Variants in RANBP2 observed in about 807,000 individuals in gnomAD.
The protein encoded by RANBP2 is E3 SUMO-protein ligase RanBP2.
A neutral mutation model predicts 303.6 loss-of-function variants in RANBP2; 57 were observed. The ratio of observed to expected loss-of-function variants is 0.19; its 90% confidence interval spans 0.15 to 0.23. RANBP2 has a LOEUF of 0.23. RANBP2 is among the 10% of genes least tolerant of loss of function. The pLI is 1.00. For synonymous variants in RANBP2, 1,167 were observed against 1,301.5 expected, an observed-to-expected ratio of 0.90 and a Z score of 2.23; for missense variants, 3,138 against 3,780.8, an observed-to-expected ratio of 0.83 and a Z score of 4.46.
the RANBP2 span, among the ~76,000 whole-genome samples, chr2:108,913,349 A>G: frequency 7.6e-4 from 115 of 152,288 alleles, 8 homozygotes; most frequent in Non-Finnish European, 3.5e-4. Flanking sequence ...CAATTTTCCT[A>G]TGCGTGGAGA....
the RANBP2 span, among the ~76,000 whole-genome samples, chr2:108,959,293 C>T: frequency 6.6e-6 from 1 of 152,318 alleles, no homozygotes; most frequent in South Asian, 2.1e-4. Context: ...TCTGGGAACT[C>T]TTACAGCCTG....
chr2:109,716,529 C>T, the RANBP2 span, among the ~76,000 whole-genome samples: 12,373 of 151,844 alleles, frequency 0.081, 1,018 homozygotes, highest in African/African-American at 0.21. Flanking sequence ...GGATTACAGG[C>T]GTGAGCCACC....
chr2:109,686,110 C>T, the RANBP2 span, among the ~76,000 whole-genome samples: 7 of 151,906 alleles, frequency 4.6e-5, no homozygotes, highest in African/African-American at 9.7e-5. Flanking sequence ...TAGGTGGTTT[C>T]GCCATTTTGC....
chr2:109,040,782 G>A, the RANBP2 span, among the ~76,000 whole-genome samples: 3 of 152,152 alleles, frequency 2.0e-5, no homozygotes, highest in South Asian at 4.1e-4. Flanking sequence ...TAGGCCAGGC[G>A]CGGTGGCCCA....
At chr2:109,388,057 T>C in the RANBP2 span, among the ~76,000 whole-genome samples, 79,208 of 151,990 alleles carry the variant, frequency 0.52, 21,099 homozygotes, top group South Asian at 0.61. Context: ...CAGCCTGAAC[T>C]CCTTTAGACA....
At chr2:109,199,623 G>GC in the RANBP2 span, among the ~76,000 whole-genome samples, 1 of 94 alleles carries the variant, frequency 0.011, no homozygotes, top group Non-Finnish European at 0.022. Context: ...GGAATGGAAT[G>GC]GAATGGAATG....
At chr2:108,860,206 C>T in the RANBP2 span, among the ~76,000 whole-genome samples, 1 of 152,024 alleles carries the variant, frequency 6.6e-6, no homozygotes, top group African/African-American at 2.4e-5. Flanking sequence ...TATCTTCAGA[C>T]TTCACTGAAG....
the RANBP2 span, among the ~76,000 whole-genome samples, chr2:109,708,277 T>G: frequency 6.6e-6 from 1 of 152,102 alleles, no homozygotes; most frequent in African/African-American, 2.4e-5. Flanking sequence ...TCCCAGCTAC[T>G]TGAGCCTGGG....
chr2:109,589,099 G>A, the RANBP2 span, among the ~76,000 whole-genome samples: 4 of 151,978 alleles, frequency 2.6e-5, no homozygotes, highest in Non-Finnish European at 5.9e-5. Context: ...GGTAATTTTT[G>A]TGGTTTTTTT....
At chr2:109,648,259 G>A in the RANBP2 span, among the ~76,000 whole-genome samples, 1 of 152,214 alleles carries the variant, frequency 6.6e-6, no homozygotes, top group African/African-American at 2.4e-5. Context: ...CAGGAAGGAG[G>A]CTTGGCTGGC....
At chr2:109,437,241 G>T in the RANBP2 span, 1 of 1,455,866 alleles carries the variant, frequency 6.9e-7, no homozygotes, top group Non-Finnish European at 9.1e-7. Flanking sequence ...CTCCAGCAGT[G>T]CATGTGTGGC....
intron 19 of RANBP2, 133 bp from the exon 20 acceptor site, chr2:108,763,104 A>T: frequency 1.9e-6 from 2 of 1,066,154 alleles, no homozygotes; most frequent in Non-Finnish European, 2.8e-6. Context: ...CGGGTTAATG[A>T]TGTGTACTAC....
the RANBP2 span, among the ~76,000 whole-genome samples, chr2:109,312,610 T>C: frequency 1.3e-5 from 2 of 152,150 alleles, no homozygotes; most frequent in African/African-American, 2.4e-5. Context: ...AGATTTGATA[T>C]AAGTGGAATC....
At chr2:108,730,719 A>G in intron 2 of RANBP2, 55 bp from the exon 3 acceptor site, 1 of 1,586,366 alleles carries the variant, frequency 6.3e-7, no homozygotes, top group Non-Finnish European at 8.6e-7. Flanking sequence ...TTCGGTTAGC[A>G]TTTAAAAGTA....
the RANBP2 span, chr2:109,760,368 CCGGG>C: frequency 1.2e-5 from 2 of 172,472 alleles, no homozygotes; most frequent in Non-Finnish European, 1.8e-5. Context: ...CGGCGCAGGG[CCGGG>C]GGCGGGGCCG....
At chr2:109,395,689 G>A in the RANBP2 span, among the ~76,000 whole-genome samples, 2 of 152,194 alleles carry the variant, frequency 1.3e-5, no homozygotes, top group Non-Finnish European at 2.9e-5. Flanking sequence ...GCAGCCTCTC[G>A]GGGACACGTG....
the RANBP2 span, among the ~76,000 whole-genome samples, chr2:109,202,466 T>G: frequency 6.6e-6 from 1 of 152,246 alleles, no homozygotes; most frequent in Non-Finnish European, 1.5e-5. Context: ...CACAGTACTT[T>G]TTCTCTTTGT....
the RANBP2 span, among the ~76,000 whole-genome samples, chr2:109,446,197 C>T: frequency 6.6e-6 from 1 of 152,176 alleles, no homozygotes; most frequent in Non-Finnish European, 1.5e-5. Context: ...CTGAGCTGTG[C>T]CTTGCTTTCT....
chr2:109,704,535 A>C, the RANBP2 span, among the ~76,000 whole-genome samples: 1 of 151,948 alleles, frequency 6.6e-6, no homozygotes, highest in Admixed American at 6.6e-5. Flanking sequence ...CTGTCTCAAA[A>C]AAATAACAAA....
Sources: allele counts gnomAD v4.1 joint callset (sites outside exome capture counted in the v4.1 genomes callset), GRCh38; gene constraint gnomAD v4.1.1; transcripts MANE v1.5; gene names NCBI Gene and HGNC (gene_info 2026-07-23, HGNC 2026-07-21).